The following PBLD variants were observed in gnomAD, a reference collection of about 807,000 sequenced individuals.
PBLD encodes phenazine biosynthesis-like domain-containing protein.
A neutral mutation model predicts 31.3 loss-of-function variants in PBLD; 26 were observed. The observed-to-expected ratio is 0.83, with a 90% CI of 0.61 to 1.15. The LOEUF is 1.15. PBLD is among the 50% of genes most tolerant of loss of function. PBLD has a pLI of 0.00. For missense variants in PBLD, 307 were observed against 351.7 expected (o/e 0.87, Z 1.02); for synonymous variants, 114 against 129.0 (o/e 0.88, Z 0.79).
intron 8 of PBLD, chr10:68,287,909 T>C (rs2044308631): frequency 6.6e-6 from 1 of 152,294 alleles, no homozygotes; most frequent in Admixed American, 6.5e-5. Context: ...ATACAAAAAT[T>C]AGCCGGGTGT....
intron 8 of PBLD, chr10:68,287,428 G>A (rs1021020287): frequency 3.9e-5 from 6 of 152,196 alleles, no homozygotes; most frequent in African/African-American, 1.4e-4. Flanking sequence ...GGATATGGTT[G>A]GGCATTTTCC....
chr10:68,298,600 G>A (rs928715554), intron 2 of PBLD, among the ~76,000 whole-genome samples: 4 of 152,120 alleles, frequency 2.6e-5, no homozygotes, highest in African/African-American at 4.8e-5. Flanking sequence ...ATGTGGGTTT[G>A]AAAACAGAAT....
intron 4 of PBLD, among the ~76,000 whole-genome samples, chr10:68,294,648 C>T (rs1432850529): frequency 6.6e-6 from 1 of 152,236 alleles, no homozygotes; most frequent in African/African-American, 2.4e-5. Context: ...AGCTTTAGAG[C>T]TCCCCACGGA....
At chr10:68,285,772 G>C (rs531254530) in intron 8 of PBLD, among the ~76,000 whole-genome samples, 1 of 151,858 alleles carries the variant, frequency 6.6e-6, no homozygotes, top group East Asian at 1.9e-4. Flanking sequence ...TTGACATCCC[G>C]TTCTCAAGCC....
At chr10:68,302,577 C>T (rs1365715535) in intron 2 of PBLD, among the ~76,000 whole-genome samples, 1 of 152,118 alleles carries the variant, frequency 6.6e-6, no homozygotes, top group African/African-American at 2.4e-5. Flanking sequence ...AGGCTGGGTG[C>T]AGTGGCTCTT....
Position 68,285,672 on chromosome 10 carries a change from A to C in PBLD, c.692-262T>G, listed in dbSNP as rs149969814. Among the ~76,000 whole-genome samples, 310 of 151,726 alleles carry C rather than the reference A, an allele frequency of 2.0e-3. 3 individuals carry two copies. The highest frequency in any genetic ancestry group is 7.7e-4 in the East Asian group (4 of 5,168). ...TTCTTTCCTTTTTTCTTTTTATTTTATTTTATTTTTATTTTTATTTTTTTG... is the reference window on the plus strand; with the variant it reads ...TTCTTTCCTTTTTTCTTTTTATTTTCTTTTATTTTTATTTTTATTTTTTTG... On this transcript the variant is annotated intron_variant, in intron 8 of 9. Coordinates refer to ENST00000358769, the MANE Select transcript of PBLD (RefSeq NM_022129.4).
intron 1 of PBLD, among the ~76,000 whole-genome samples, chr10:68,319,053 G>GAGAAAGAAAGAA (rs60229423): frequency 0.055 from 5,413 of 98,806 alleles, 212 homozygotes; most frequent in East Asian, 0.087. Flanking sequence ...AAGAAAGAGA[G>GAGAAAGAAAGAA]AGAAAGAAAG....
At chr10:68,317,374 A>G (rs1045553532) in intron 1 of PBLD, among the ~76,000 whole-genome samples, 2 of 152,230 alleles carry the variant, frequency 1.3e-5, no homozygotes, top group Admixed American at 1.3e-4. Flanking sequence ...ATAAAAAAAC[A>G]AAGAGCAACA....
chr10:68,332,277 G>A (rs1184140856), intron 1 of PBLD: 1 of 152,276 alleles, frequency 6.6e-6, no homozygotes, highest in African/African-American at 2.4e-5. Flanking sequence ...TCGGGAGAAG[G>A]ACGAAAGGCC....
At position 68,308,126 on chromosome 10, in the gene PBLD, G is replaced by A. The variant is rs151297265; in HGVS notation, c.-59-1223C>T. On this transcript the variant is annotated intron_variant, in intron 1 of 9. Transcript: ENST00000358769. Reference sequence around the variant, plus strand: ...GCTCAAGTCCCTTATATAAAATAGCGTAATTCAAGGGACATTCCAATACAA... The same window carrying A: ...GCTCAAGTCCCTTATATAAAATAGCATAATTCAAGGGACATTCCAATACAA... Among the ~76,000 whole-genome samples, 362 of 152,182 alleles carry A rather than the reference G, an allele frequency of 2.4e-3. 1 individual carries two copies. Among genetic ancestry groups the A allele is most frequent in the African/African-American group, 8.1e-3 (336 of 41,510 alleles).
intron 1 of PBLD, chr10:68,331,864 G>T (rs549085175): frequency 6.6e-6 from 1 of 152,446 alleles, no homozygotes; most frequent in Non-Finnish European, 1.5e-5. Context: ...GGTGCGCGCT[G>T]CAGCTCTTTA....
chr10:68,307,081 T>C (rs2044590739), intron 1 of PBLD, among the ~76,000 whole-genome samples, 178 bp from the exon 2 acceptor site: 1 of 152,144 alleles, frequency 6.6e-6, no homozygotes, highest in African/African-American at 2.4e-5. Context: ...CAGGCGGGAG[T>C]GCAGTGGCAC....
intron 8 of PBLD, among the ~76,000 whole-genome samples, chr10:68,285,624 T>C (rs577303883): frequency 3.5e-4 from 53 of 152,314 alleles, no homozygotes; most frequent in African/African-American, 1.2e-3. Flanking sequence ...AAATTATGTA[T>C]CAAATATGTC....
chr10:68,300,746 CAAT>C (rs2044494962), intron 2 of PBLD, among the ~76,000 whole-genome samples: 1 of 152,084 alleles, frequency 6.6e-6, no homozygotes, highest in Non-Finnish European at 1.5e-5. Context: ...TAGATTTTGA[CAAT>C]AAATACTCTA....
At chr10:68,307,510 G>GT (rs1007441295) in intron 1 of PBLD, among the ~76,000 whole-genome samples, 3 of 151,314 alleles carry the variant, frequency 2.0e-5, no homozygotes, top group African/African-American at 7.3e-5. Flanking sequence ...GTTTTGTTTT[G>GT]TTTTTTTGAG....
chr10:68,290,337 G>C (rs1360847871), intron 6 of PBLD, among the ~76,000 whole-genome samples: 1 of 152,176 alleles, frequency 6.6e-6, no homozygotes, highest in Non-Finnish European at 1.5e-5. Context: ...CTCAAGAAAT[G>C]GGAACTCCTA....
intron 2 of PBLD, among the ~76,000 whole-genome samples, chr10:68,305,984 A>T (rs1371780054): frequency 6.6e-6 from 1 of 151,926 alleles, no homozygotes; most frequent in African/African-American, 2.4e-5. Context: ...CAGATAATCT[A>T]CTCTTGTGCT....
intron 1 of PBLD, among the ~76,000 whole-genome samples, chr10:68,308,421 A>C (rs1169706358): frequency 6.6e-6 from 1 of 152,214 alleles, no homozygotes; most frequent in Admixed American, 6.5e-5. Flanking sequence ...CAGATGTTTT[A>C]ACTTAAACAG....
chr10:68,315,122 C>T (rs952593711), intron 1 of PBLD, among the ~76,000 whole-genome samples: 2 of 152,158 alleles, frequency 1.3e-5, no homozygotes, highest in African/African-American at 4.8e-5. Context: ...AGTCAAAGCT[C>T]ACCCAACACA....
Sources: allele counts gnomAD v4.1 joint callset (sites outside exome capture counted in the v4.1 genomes callset), GRCh38; gene constraint gnomAD v4.1.1; transcripts MANE v1.5; gene names NCBI Gene and HGNC (gene_info 2026-07-23, HGNC 2026-07-21).